CALN1: variants seen among roughly 807,000 people sequenced by gnomAD.
CALN1 encodes calcium-binding protein 8.
In CALN1, 17 loss-of-function variants were observed where a neutral mutation model predicts 30.6. The observed-to-expected ratio is 0.56, with a 90% CI of 0.38 to 0.83. The LOEUF (loss-of-function observed/expected upper bound fraction) is 0.83. Among genes scored for constraint, CALN1 ranks in the 40% least tolerant of loss-of-function variants. The probability of loss-of-function intolerance (pLI) is 0.00; values close to 1 mark genes in which losing one functional copy is unlikely to be tolerated. For synonymous variants in CALN1, 156 were observed against 131.4 expected, an observed-to-expected ratio of 1.19 and a Z score of -1.28; for missense variants, 291 against 354.9, an observed-to-expected ratio of 0.82 and a Z score of 1.45.
intron 5 of CALN1, among the ~76,000 whole-genome samples, chr7:71,915,476 G>A (rs1439854039): frequency 3.3e-5 from 5 of 152,110 alleles, no homozygotes; most frequent in African/African-American, 4.8e-5. Flanking sequence ...GCTCATGCCT[G>A]TAATCCCAGC....
At chr7:71,903,038 A>T (rs957863852) in intron 5 of CALN1, among the ~76,000 whole-genome samples, 7 of 151,898 alleles carry the variant, frequency 4.6e-5, no homozygotes, top group Admixed American at 1.3e-4. Context: ...GTAAAAATTT[A>T]AAAAAAATTT....
chr7:71,798,340 G>T (rs1450325344), intron 6 of CALN1, among the ~76,000 whole-genome samples: 1 of 151,684 alleles, frequency 6.6e-6, no homozygotes, highest in Non-Finnish European at 1.5e-5. Context: ...TATAGAAACT[G>T]GGTTTCACTC....
At chr7:72,344,437 G>C (rs1411745803) in intron 2 of CALN1, among the ~76,000 whole-genome samples, 2 of 151,602 alleles carry the variant, frequency 1.3e-5, no homozygotes, top group Admixed American at 1.3e-4. Context: ...AACATGTATG[G>C]TGCCACTTTT....
At chr7:71,798,117 C>CAGAGAGAG (rs1787056838) in intron 6 of CALN1, among the ~76,000 whole-genome samples, 2 of 62,318 alleles carry the variant, frequency 3.2e-5, no homozygotes, top group Non-Finnish European at 6.3e-5. Flanking sequence ...GAGACAGAGA[C>CAGAGAGAG]AGAGACAGAG....
intron 4 of CALN1, among the ~76,000 whole-genome samples, chr7:72,069,874 A>G (rs1014541363): frequency 6.6e-6 from 1 of 152,312 alleles, no homozygotes; most frequent in African/African-American, 2.4e-5. Flanking sequence ...AAAGTGTTAC[A>G]TAAGTGGCAT....
chr7:72,312,410 A>T (rs1800116541), intron 2 of CALN1, among the ~76,000 whole-genome samples: 1 of 151,580 alleles, frequency 6.6e-6, no homozygotes, highest in African/African-American at 2.4e-5. Context: ...AAAAAAAAAA[A>T]AAAAAGTAAG....
intron 3 of CALN1, among the ~76,000 whole-genome samples, chr7:72,177,752 G>GAAAA (rs71517077): frequency 1.5e-5 from 2 of 132,150 alleles, no homozygotes; most frequent in Admixed American, 8.0e-5. Flanking sequence ...GCGACAGAGG[G>GAAAA]AAAAAAAAAA....
At chr7:71,876,963 T>C (rs965663897) in intron 5 of CALN1, among the ~76,000 whole-genome samples, 5 of 152,334 alleles carry the variant, frequency 3.3e-5, no homozygotes, top group African/African-American at 1.2e-4. Flanking sequence ...CAGACTTACG[T>C]TGTGTTCAGA....
intron 4 of CALN1, among the ~76,000 whole-genome samples, chr7:72,065,600 G>A (rs1295242002): frequency 6.6e-6 from 1 of 152,078 alleles, no homozygotes; most frequent in African/African-American, 2.4e-5. Context: ...TGAGATCCCG[G>A]TTCTTGCCTC....
chr7:72,228,435 T>C (rs1793840525), intron 3 of CALN1, among the ~76,000 whole-genome samples: 1 of 151,936 alleles, frequency 6.6e-6, no homozygotes, highest in Non-Finnish European at 1.5e-5. Context: ...ATCACAGTGA[T>C]GTGTGCACAG....
intron 5 of CALN1, among the ~76,000 whole-genome samples, chr7:71,855,070 A>G (rs1790864368): frequency 6.6e-6 from 1 of 152,222 alleles, no homozygotes; most frequent in Non-Finnish European, 1.5e-5. Context: ...CTTCATACTA[A>G]CTGTGAACAC....
chr7:72,474,761 TA>T, the CALN1 span, among the ~76,000 whole-genome samples: 1 of 151,796 alleles, frequency 6.6e-6, no homozygotes, highest in African/African-American at 2.4e-5. Context: ...GCAGGACATA[TA>T]AAGCCCTGTA....
intron 3 of CALN1, among the ~76,000 whole-genome samples, chr7:72,242,260 C>G (rs1794889465): frequency 6.6e-6 from 1 of 152,298 alleles, no homozygotes; most frequent in East Asian, 1.9e-4. Flanking sequence ...ATACCACATT[C>G]TTTCCACCTT....
chr7:72,005,576 C>T (rs951753836), intron 5 of CALN1, among the ~76,000 whole-genome samples: 1 of 152,106 alleles, frequency 6.6e-6, no homozygotes, highest in Admixed American at 6.5e-5. Context: ...AAGCAATCCC[C>T]CCACCTCAGC....
rs560126946 is a variant in CALN1, at chr7:72,273,491, A to C, written c.244+5195T>G. Among the ~76,000 whole-genome samples, 44 of 140,094 alleles carry C rather than the reference A, an allele frequency of 3.1e-4. No homozygotes were observed. The South Asian group carries it at 9.9e-3, about 32-fold the overall frequency. The allele number at this position is 140,094 out of a possible 152,430, so 91.9% of individuals were successfully genotyped here. On this transcript the variant is annotated intron_variant, in intron 3 of 6. Coordinates refer to ENST00000395275, the MANE Select transcript of CALN1 (RefSeq NM_031468.4). Reference sequence around the variant, plus strand: ...TCTCAGGTTTGGGATAAAGTGAAGAAGGCAAGATTCTTTTTTTTTTTTTTT... The same window carrying C: ...TCTCAGGTTTGGGATAAAGTGAAGACGGCAAGATTCTTTTTTTTTTTTTTT...
intron 5 of CALN1, among the ~76,000 whole-genome samples, chr7:71,845,261 G>A (rs1859554): frequency 0.11 from 15,986 of 152,188 alleles, 1,423 homozygotes; most frequent in East Asian, 0.51. Context: ...ACAATGTCAG[G>A]TAAGAATTTC....
At chr7:72,253,042 C>A (rs1042817484) in intron 3 of CALN1, among the ~76,000 whole-genome samples, 1 of 152,152 alleles carries the variant, frequency 6.6e-6, no homozygotes, top group Non-Finnish European at 1.5e-5. Context: ...GGTCAAGGCT[C>A]TGGAAGGGAT....
intron 2 of CALN1, among the ~76,000 whole-genome samples, chr7:72,399,163 A>G (rs907553636): frequency 6.6e-6 from 1 of 152,054 alleles, no homozygotes; most frequent in African/African-American, 2.4e-5. Context: ...CTTCTGCAGT[A>G]ACGTAGGCTG....
At chr7:72,287,912 G>A (rs535808042) in intron 2 of CALN1, among the ~76,000 whole-genome samples, 29 of 152,060 alleles carry the variant, frequency 1.9e-4, no homozygotes, top group African/African-American at 5.5e-4. Flanking sequence ...TTGAGTATGC[G>A]AATCTTTACC....
Sources: allele counts gnomAD v4.1 joint callset (sites outside exome capture counted in the v4.1 genomes callset), GRCh38; gene constraint gnomAD v4.1.1; transcripts MANE v1.5; gene names NCBI Gene and HGNC (gene_info 2026-07-23, HGNC 2026-07-21).